Variants in PDS5A observed in about 807,000 individuals in gnomAD.
PDS5A encodes sister chromatid cohesion protein PDS5 homolog A.
A neutral mutation model predicts 167.1 loss-of-function variants in PDS5A; 42 were observed. That is an observed-to-expected ratio of 0.25 (90% CI 0.20 to 0.33). The LOEUF is 0.33. Among genes scored for constraint, PDS5A ranks in the 10% least tolerant of loss-of-function variants. The pLI is 1.00. For missense variants in PDS5A, 1,033 were observed against 1,605.9 expected (o/e 0.64, Z 6.10); for synonymous variants, 553 against 554.6 (o/e 1.00, Z 0.04).
At chr4:39,917,666 C>T (rs1003731540) in intron 7 of PDS5A, among the ~76,000 whole-genome samples, 6 of 152,014 alleles carry the variant, frequency 3.9e-5, no homozygotes, top group Admixed American at 1.3e-4. Context: ...CTTCCACCTC[C>T]GAGGTTCAAG....
At chr4:39,976,407 A>C (rs993374695) in intron 2 of PDS5A, 33 bp downstream of exon 2, 10 of 1,595,004 alleles carry the variant, frequency 6.3e-6, no homozygotes, top group Non-Finnish European at 8.6e-6. Flanking sequence ...AGCGCCTTCT[A>C]CCAAAGACAT....
chr4:39,880,415 A>G (rs1720831766), intron 17 of PDS5A, among the ~76,000 whole-genome samples: 1 of 152,190 alleles, frequency 6.6e-6, no homozygotes, highest in Non-Finnish European at 1.5e-5. Flanking sequence ...ATAGAATATT[A>G]TCTGGTCAAT....
At chr4:39,939,583 C>T (rs1727026436) in intron 2 of PDS5A, among the ~76,000 whole-genome samples, 1 of 152,074 alleles carries the variant, frequency 6.6e-6, no homozygotes, top group Non-Finnish European at 1.5e-5. Flanking sequence ...CACTTGAGGT[C>T]AGGAGCTGGA....
At chr4:39,829,726 C>A (rs185845896) in intron 32 of PDS5A, among the ~76,000 whole-genome samples, 3 of 150,922 alleles carry the variant, frequency 2.0e-5, no homozygotes, top group Non-Finnish European at 2.9e-5. Flanking sequence ...CCGAGGCGGG[C>A]GGATCACAAG....
In PDS5A at chr4:39,841,957, T is replaced by C. The variant is rs1717071613; in HGVS notation, c.3648A>G (p.Val1216=). Residue 1216 remains valine (V), a synonymous_variant, in exon 31 of 33, where the codon GTA becomes GTG. Coordinates refer to ENST00000303538, the MANE Select transcript of PDS5A (RefSeq NM_001100399.2). The part of the protein sequence containing the change: ...SVTPVKNIDP[V]KNKEINSDQA... The stretch of plus-strand genomic sequence containing the variant: ...AAATTTTAAAATTTACCTTATTCTT[T>C]ACTGGGTCAATATTCTTTACAGGTG... The C allele has an allele frequency of 2.6e-6, 4 of 1,551,094 alleles. No individual in the cohort carries two copies. Among genetic ancestry groups the C allele is most frequent in the Non-Finnish European group, 3.6e-6 (4 of 1,123,762 alleles).
chr4:39,972,467 C>T (rs1408814041), intron 2 of PDS5A, among the ~76,000 whole-genome samples: 1 of 152,092 alleles, frequency 6.6e-6, no homozygotes, highest in Admixed American at 6.6e-5. Context: ...TTGCAGTGAG[C>T]CAAGATTGCA....
chr4:39,973,637 T>C, intron 2 of PDS5A: 1 of 1,317,584 alleles, frequency 7.6e-7, no homozygotes, highest in Non-Finnish European at 1.1e-6. Flanking sequence ...GTTACAGAAA[T>C]GAACGGTAGA....
intron 16 of PDS5A, among the ~76,000 whole-genome samples, chr4:39,894,509 G>A (rs1722231352): frequency 6.6e-6 from 1 of 152,142 alleles, no homozygotes; most frequent in Non-Finnish European, 1.5e-5. Context: ...ATAGCCCTGA[G>A]AGACAAGCCC....
chr4:39,963,472 T>C (rs1413573339), intron 2 of PDS5A, among the ~76,000 whole-genome samples: 1 of 151,426 alleles, frequency 6.6e-6, no homozygotes, highest in Non-Finnish European at 1.5e-5. Context: ...AAAAAAAAAT[T>C]AGCTGCACAC....
chr4:39,833,272 G>C (rs774060177), intron 32 of PDS5A, among the ~76,000 whole-genome samples: 10 of 149,846 alleles, frequency 6.7e-5, no homozygotes, highest in Non-Finnish European at 1.0e-4. Context: ...TAAAATTGAA[G>C]CAAGAAAAGC....
chr4:39,972,541 A>AT (rs1316655534), intron 2 of PDS5A, among the ~76,000 whole-genome samples: 4 of 152,056 alleles, frequency 2.6e-5, no homozygotes, highest in African/African-American at 9.6e-5. Context: ...AAATAAATAA[A>AT]AAATAAAAAT....
chr4:39,904,221 A>G, intron 11 of PDS5A, 30 bp from the exon 12 acceptor site: 2 of 1,545,360 alleles, frequency 1.3e-6, no homozygotes, highest in African/African-American at 2.7e-5. Context: ...TTAGATGAGC[A>G]AGATAACAAA....
intron 19 of PDS5A, among the ~76,000 whole-genome samples, chr4:39,875,462 G>A (rs1287598928): frequency 6.6e-6 from 1 of 152,124 alleles, no homozygotes; most frequent in Admixed American, 6.5e-5. Context: ...TATATTTAAT[G>A]TTATTAGAGA....
Position 39,849,542 on chromosome 4 carries a change from G to A in PDS5A, c.3197C>T (p.Pro1066Leu). 1 of 1,610,202 alleles carries A rather than the reference G, an allele frequency of 6.2e-7. No homozygotes were observed. The highest frequency in any genetic ancestry group is 1.1e-5 in the South Asian group (1 of 90,986). ...TACTTCATTTGTCTTGGATTCATCT[G>A]GAGACTGGGCATCTCTGGTTAACTT... ...NIKLTRDAQS[P>L]DESKTNEKLY... is the part of the protein sequence containing the mutation. The change falls in exon 27 of 33, where the codon CCA becomes CTA. Residue 1066 changes from proline (P) to leucine (L), a missense_variant. Transcript: ENST00000303538.
intron 2 of PDS5A, among the ~76,000 whole-genome samples, chr4:39,959,293 A>C (rs1486858956): frequency 6.6e-6 from 1 of 152,192 alleles, no homozygotes; most frequent in African/African-American, 2.4e-5. Context: ...TTAAATGTTT[A>C]TCTCTTTTTA....
At chr4:39,846,507 TA>T (rs1321038126) in intron 28 of PDS5A, 2 of 152,150 alleles carry the variant, frequency 1.3e-5, no homozygotes, top group South Asian at 4.2e-4. Context: ...TCAAAAAACA[TA>T]AGTAGACCAA....
At chr4:39,901,603 C>A (rs1722894212) in intron 13 of PDS5A, among the ~76,000 whole-genome samples, 1 of 152,058 alleles carries the variant, frequency 6.6e-6, no homozygotes, top group Non-Finnish European at 1.5e-5. Flanking sequence ...AATGCAGGAA[C>A]ACTTGAAGAA....
At chr4:39,850,495 C>A (rs1718033884) in intron 26 of PDS5A, among the ~76,000 whole-genome samples, 1 of 151,988 alleles carries the variant, frequency 6.6e-6, no homozygotes, top group Non-Finnish European at 1.5e-5. Context: ...CAGATTCACC[C>A]TATAGGTAAG....
chr4:39,836,899 C>A (rs1267607510), intron 32 of PDS5A: 1 of 150,800 alleles, frequency 6.6e-6, no homozygotes, highest in Non-Finnish European at 1.5e-5. Context: ...ACCTCTGCCT[C>A]CTGGGTTCAA....
Sources: gnomAD v4.1 joint callset for allele counts (sites outside exome capture counted in the v4.1 genomes callset) on GRCh38, gnomAD v4.1.1 for gene constraint, MANE v1.5 for transcripts, NCBI Gene and HGNC (gene_info 2026-07-23, HGNC 2026-07-21) for gene names.